Variants in WDR44 observed in about 807,000 individuals in gnomAD.
WDR44 encodes the protein WD repeat-containing protein 44.
Under a neutral mutation model 65.7 loss-of-function variants are expected in WDR44, and 9 were observed. That is an observed-to-expected ratio of 0.14 (90% confidence interval 0.08 to 0.24). The LOEUF is 0.24. Among genes scored for constraint, WDR44 ranks in the 10% least tolerant of loss-of-function variants. WDR44 has a pLI of 1.00. For synonymous variants in WDR44, 220 were observed against 235.2 expected (o/e 0.94, Z 0.59); for missense variants, 425 against 670.9 (o/e 0.63, Z 4.05).
chrX:118,398,905 C>CA lies in WDR44; in HGVS notation c.1274+445dup, dbSNP rs895557636. Among the ~76,000 whole-genome samples the CA allele has an allele frequency of 1.0e-4, 11 of 106,270 alleles. No individual in the cohort carries two copies. The South Asian group carries it at 1.2e-3, about 12-fold the overall frequency. 92.3% of individuals were successfully genotyped at this position (106,270 alleles called of 115,157 possible). A position where few individuals can be genotyped will look rare whatever the true frequency, so the allele number is the denominator to read the frequency against. On this transcript the variant is annotated intron_variant, in intron 8 of 19. Coordinates refer to ENST00000254029, the MANE Select transcript of WDR44 (RefSeq NM_019045.5). ...TGGGCGACAGAGCAAGACTCCCCCT[C>CA]AAAAAAAAAATGGTAATAATAATAA... is the stretch of plus-strand genomic sequence containing the variant.
intron 1 of WDR44, among the ~76,000 whole-genome samples, chrX:118,377,987 C>T (rs1281143275): frequency 1.8e-5 from 2 of 109,874 alleles, no homozygotes; most frequent in Non-Finnish European, 1.9e-5. Flanking sequence ...GATGGAGTCT[C>T]GCTCTGTCAC....
rs1289349202 is a variant in WDR44, at chrX:118,424,323, G to GTGTGTATATATATATATATATATA, written c.1738-8457_1738-8456insGTGTATATATATATATATATATAT. ...TGTATATATATATATGTGTGTGTGTGTATATATATATATATATATATATAT... is the reference window on the plus strand; with the variant it reads ...TGTATATATATATATGTGTGTGTGTGTGTGTATATATATATATATATATATATATATATATATATATATATATAT... On this transcript the variant is annotated intron_variant, in intron 12 of 19. Coordinates refer to ENST00000254029, the MANE Select transcript of WDR44 (RefSeq NM_019045.5). Among the ~76,000 whole-genome samples the GTGTGTATATATATATATATATATA allele has an allele frequency of 1.3e-3, 85 of 65,514 alleles. 2 individuals are homozygous for GTGTGTATATATATATATATATATA. The highest frequency in any genetic ancestry group is 7.4e-3 in the African/African-American group (74 of 10,057). 56.9% of individuals were successfully genotyped at this position (65,514 alleles called of 115,157 possible).
intron 1 of WDR44, among the ~76,000 whole-genome samples, chrX:118,373,098 AAACAACAAC>A (rs201959120): frequency 4.5e-5 from 5 of 110,562 alleles, no homozygotes; most frequent in Non-Finnish European, 9.5e-5. Flanking sequence ...TCAAAAAATA[AAACAACAAC>A]AACAACAACA....
chrX:118,439,352 G>C (rs1050123372), intron 14 of WDR44, among the ~76,000 whole-genome samples: 4 of 108,478 alleles, frequency 3.7e-5, no homozygotes, highest in African/African-American at 1.0e-4. Flanking sequence ...GAGGCGGGTG[G>C]ATCACCTGAG....
At chrX:118,443,351 T>C (rs1247227986) in intron 17 of WDR44, among the ~76,000 whole-genome samples, 3 of 111,801 alleles carry the variant, frequency 2.7e-5, no homozygotes, top group African/African-American at 9.8e-5. Flanking sequence ...TCACAGTTAC[T>C]TAGAGCTTTG....
intron 12 of WDR44, among the ~76,000 whole-genome samples, chrX:118,431,163 T>C (rs892837001): frequency 1.8e-5 from 2 of 112,136 alleles, no homozygotes; most frequent in African/African-American, 6.5e-5. Flanking sequence ...AACCATCTTT[T>C]ACATTACTGC....
At chrX:118,447,049 C>CTTTTTTTTTTTTTT in intron 19 of WDR44, 1 of 215,862 alleles carries the variant, frequency 4.6e-6, no homozygotes, top group Non-Finnish European at 8.6e-6. Flanking sequence ...TTTTTTTTTT[C>CTTTTTTTTTTTTTT]TTTTTGCTAG....
intron 12 of WDR44, among the ~76,000 whole-genome samples, chrX:118,414,982 T>A (rs1013688880): frequency 9.0e-6 from 1 of 111,694 alleles, no homozygotes; most frequent in African/African-American, 3.3e-5. Context: ...TGCTTTCAAT[T>A]TTTCCCCATT....
chrX:118,387,247 A>T, intron 2 of WDR44, 93 bp from the exon 3 acceptor site: 1 of 486,469 alleles, frequency 2.1e-6, no homozygotes, highest in Non-Finnish European at 3.3e-6. Flanking sequence ...TTGATTTATT[A>T]ATGCTACATT....
At chrX:118,374,613 A>G (rs1448341745) in intron 1 of WDR44, among the ~76,000 whole-genome samples, 1 of 111,853 alleles carries the variant, frequency 8.9e-6, no homozygotes, top group Admixed American at 9.5e-5. Context: ...CACCAGCTCA[A>G]TATGATATAG....
At chrX:118,348,239 C>A (rs996346656) in intron 1 of WDR44, among the ~76,000 whole-genome samples, 1 of 112,094 alleles carries the variant, frequency 8.9e-6, no homozygotes, top group Non-Finnish European at 1.9e-5. Context: ...TGCTTTTCTC[C>A]TTCCTTTCTT....
At position 118,443,697 on chromosome X, in the gene WDR44, T is replaced by C. The variant is rs1441482341; in HGVS notation, c.2512+10T>C. ...TGGGAAGGTATTAAAGGTAAGTACA[T>C]ACTTGCTTTTGTGTGTCTTATAAGA... On this transcript the variant is annotated intron_variant, in intron 18 of 19. Coordinates refer to ENST00000254029, the MANE Select transcript of WDR44 (RefSeq NM_019045.5). The C allele has an allele frequency of 8.4e-7, 1 of 1,189,171 alleles. No homozygotes were observed.
intron 1 of WDR44, among the ~76,000 whole-genome samples, chrX:118,366,569 CAT>C (rs758962048): frequency 9.0e-6 from 1 of 111,259 alleles, no homozygotes; most frequent in South Asian, 3.7e-4. Context: ...TCGAAAGAGA[CAT>C]ATCAACTGAT....
chrX:118,416,463 G>A (rs1315381302), intron 12 of WDR44, among the ~76,000 whole-genome samples: 2 of 111,818 alleles, frequency 1.8e-5, no homozygotes, highest in African/African-American at 6.5e-5. Context: ...TCAGGAGCAG[G>A]TTATTTTATT....
At chrX:118,349,085 G>C (rs2056379302) in intron 1 of WDR44, among the ~76,000 whole-genome samples, 1 of 111,660 alleles carries the variant, frequency 9.0e-6, no homozygotes, top group Non-Finnish European at 1.9e-5. Context: ...AATTTAATAA[G>C]TTAAAAATCA....
intron 12 of WDR44, among the ~76,000 whole-genome samples, chrX:118,423,062 T>C (rs1206782597): frequency 8.9e-6 from 1 of 111,967 alleles, no homozygotes; most frequent in Non-Finnish European, 1.9e-5. Flanking sequence ...GCTAGAGATA[T>C]AGTAAGTGAA....
At chrX:118,393,453 A>G (rs1018782087) in intron 4 of WDR44, among the ~76,000 whole-genome samples, 182 bp downstream of exon 4, 1 of 111,060 alleles carries the variant, frequency 9.0e-6, no homozygotes, top group African/African-American at 3.3e-5. Context: ...TTAGCTGGCC[A>G]TGGTGGCACG....
At chrX:118,408,356 A>T (rs1015584122) in intron 10 of WDR44, among the ~76,000 whole-genome samples, 2 of 109,549 alleles carry the variant, frequency 1.8e-5, no homozygotes, top group African/African-American at 6.7e-5. Flanking sequence ...GTTTCTAGAG[A>T]GAAAAGTAGG....
At chrX:118,446,349 G>T (rs772296953) in intron 19 of WDR44, among the ~76,000 whole-genome samples, 1 of 111,370 alleles carries the variant, frequency 9.0e-6, no homozygotes, top group Admixed American at 9.6e-5. Flanking sequence ...GGGAGGCTGA[G>T]GCAGGAGGTC....
Sources: allele counts gnomAD v4.1 joint callset (sites outside exome capture counted in the v4.1 genomes callset), GRCh38; gene constraint gnomAD v4.1.1; transcripts MANE v1.5; gene names NCBI Gene and HGNC (gene_info 2026-07-23, HGNC 2026-07-21).